Variants in NALF1 observed in about 807,000 individuals in gnomAD.
NALF1 encodes the protein NALCN channel auxiliary factor 1.
NALF1 carries 3 observed loss-of-function variants against 48.4 expected under a neutral mutation model. The ratio of observed to expected loss-of-function variants is 0.06; its 90% CI spans 0.03 to 0.16. The LOEUF (loss-of-function observed/expected upper bound fraction) is 0.16, where lower values mean the gene tolerates loss of function less well. Ranked by LOEUF, NALF1 falls within the 10% of genes least tolerant of loss-of-function variation. The pLI, the probability that NALF1 is intolerant of heterozygous loss-of-function variation, is 1.00. For synonymous variants in NALF1, 262 were observed against 245.7 expected (o/e 1.07, Z -0.62); for missense variants, 526 against 571.5 (o/e 0.92, Z 0.81).
chr13:107,819,520 T>C (rs1879290994), intron 1 of NALF1, among the ~76,000 whole-genome samples: 1 of 152,194 alleles, frequency 6.6e-6, no homozygotes, highest in South Asian at 2.1e-4. Context: ...CAAATGAATC[T>C]TCCACAAGTA....
chr13:107,344,996 C>A (rs1882747551), intron 1 of NALF1, among the ~76,000 whole-genome samples: 1 of 151,884 alleles, frequency 6.6e-6, no homozygotes, highest in African/African-American at 2.4e-5. Context: ...TGAAGAATAC[C>A]AAATGAACTC....
At chr13:107,401,666 C>T (rs1362313061) in intron 1 of NALF1, among the ~76,000 whole-genome samples, 1 of 150,014 alleles carries the variant, frequency 6.7e-6, no homozygotes, top group Non-Finnish European at 1.5e-5. Flanking sequence ...AAATTATTCT[C>T]ACCCAACAGA....
chr13:107,270,104 T>C (rs1178830319), intron 1 of NALF1, among the ~76,000 whole-genome samples: 11 of 151,974 alleles, frequency 7.2e-5, no homozygotes, highest in African/African-American at 2.4e-4. Context: ...CTTTCAATTG[T>C]GAATGATGCA....
chr13:107,415,002 T>C (rs1213696981), intron 1 of NALF1, among the ~76,000 whole-genome samples: 1 of 152,186 alleles, frequency 6.6e-6, no homozygotes, highest in Admixed American at 6.5e-5. Flanking sequence ...AAAATTGCCA[T>C]TGCCTGATAA....
chr13:107,647,790 C>A (rs554341201), intron 1 of NALF1, among the ~76,000 whole-genome samples: 3 of 152,054 alleles, frequency 2.0e-5, no homozygotes, highest in Admixed American at 1.3e-4. Flanking sequence ...ATAATGCAAA[C>A]AACTGAGTTA....
intron 1 of NALF1, among the ~76,000 whole-genome samples, chr13:107,862,778 A>T (rs1880609597): frequency 6.6e-6 from 1 of 151,906 alleles, no homozygotes; most frequent in Admixed American, 6.6e-5. Context: ...CCTTTTAAAC[A>T]ATTTAAATCA....
chr13:107,675,879 G>A lies in NALF1; in HGVS notation c.915+189803C>T, dbSNP rs568593316. On this transcript the variant is annotated intron_variant, in intron 1 of 2. Transcript: ENST00000375915. ...ATGCATTTTCCATACCTTCTTCTTG[G>A]CTCCAATTGAAGGTATGGAGGAAGG... Among the ~76,000 whole-genome samples the A allele has an allele frequency of 2.0e-5, 3 of 152,172 alleles. No individual in the cohort carries two copies. In the East Asian group the frequency reaches 5.8e-4, roughly 29 times the overall value.
intron 1 of NALF1, among the ~76,000 whole-genome samples, chr13:107,472,327 T>A (rs2003845): frequency 0.028 from 4,254 of 152,248 alleles, 201 homozygotes; most frequent in African/African-American, 0.097. Flanking sequence ...AGACTCCCTC[T>A]CAAAACAAAC....
At chr13:107,847,291 T>C (rs1880197140) in intron 1 of NALF1, among the ~76,000 whole-genome samples, 1 of 152,194 alleles carries the variant, frequency 6.6e-6, no homozygotes, top group Non-Finnish European at 1.5e-5. Flanking sequence ...TAAACATGTA[T>C]TTTTCCTTAG....
At chr13:107,863,252 T>C (rs967985434) in intron 1 of NALF1, among the ~76,000 whole-genome samples, 2 of 152,074 alleles carry the variant, frequency 1.3e-5, no homozygotes, top group African/African-American at 4.8e-5. Flanking sequence ...CAGGCATATC[T>C]TTCAAAGACA....
intron 1 of NALF1, among the ~76,000 whole-genome samples, chr13:107,550,052 C>T (rs1877249761): frequency 6.6e-6 from 1 of 151,954 alleles, no homozygotes; most frequent in African/African-American, 2.4e-5. Flanking sequence ...AAATGATGAC[C>T]CATAATCGCT....
chr13:107,572,806 A>G (rs1348766866), intron 1 of NALF1, among the ~76,000 whole-genome samples: 1 of 152,156 alleles, frequency 6.6e-6, no homozygotes, highest in Non-Finnish European at 1.5e-5. Flanking sequence ...TTTTATGTTA[A>G]TTTATCTCTT....
chr13:107,687,136 T>A, intron 1 of NALF1, among the ~76,000 whole-genome samples: 1 of 152,214 alleles, frequency 6.6e-6, no homozygotes, highest in East Asian at 1.9e-4. Context: ...AATGAAATTA[T>A]GTCCTTTGCA....
chr13:107,401,773 G>A (rs1883812424), intron 1 of NALF1, among the ~76,000 whole-genome samples: 1 of 152,040 alleles, frequency 6.6e-6, no homozygotes, highest in Non-Finnish European at 1.5e-5. Context: ...TTGCACATAT[G>A]TGATTGCATA....
At chr13:107,751,276 G>A (rs1428342941) in intron 1 of NALF1, among the ~76,000 whole-genome samples, 1 of 152,124 alleles carries the variant, frequency 6.6e-6, no homozygotes, top group Non-Finnish European at 1.5e-5. Flanking sequence ...CCACGGTAGA[G>A]GTAAACAGAA....
Position 107,418,865 on chromosome 13 carries a change from A to T in NALF1, c.916-208110T>A, listed in dbSNP as rs117884957. 4.3e-3 allele frequency among the ~76,000 whole-genome samples: 648 copies of T among 152,328 alleles called. 8 individuals are homozygous for T. Among genetic ancestry groups the T allele is most frequent in the Non-Finnish European group, 6.0e-3 (406 of 68,028 alleles). On this transcript the variant is annotated intron_variant, in intron 1 of 2. Transcript: ENST00000375915. Reference sequence around the variant, plus strand: ...CTTACACGTACTCAAAATCTAAAATAAGTAATCTCACTTAAGAATTCTTAA... The same window carrying T: ...CTTACACGTACTCAAAATCTAAAATTAGTAATCTCACTTAAGAATTCTTAA...
At chr13:107,679,673 T>A (rs982695359) in intron 1 of NALF1, among the ~76,000 whole-genome samples, 3 of 151,926 alleles carry the variant, frequency 2.0e-5, no homozygotes, top group Non-Finnish European at 4.4e-5. Flanking sequence ...ATCCAGGAGG[T>A]CCTCAGCTCC....
chr13:107,382,937 T>C (rs1241228200), intron 1 of NALF1, among the ~76,000 whole-genome samples: 4 of 152,176 alleles, frequency 2.6e-5, no homozygotes, highest in African/African-American at 7.2e-5. Flanking sequence ...GCATGAAGAA[T>C]TGATTGCAAG....
At chr13:107,183,355 G>A (rs1879106310) in intron 2 of NALF1, among the ~76,000 whole-genome samples, 1 of 152,206 alleles carries the variant, frequency 6.6e-6, no homozygotes, top group Admixed American at 6.5e-5. Context: ...AGATGCTAGA[G>A]AGGATGTGGG....
Sources: allele counts gnomAD v4.1 joint callset (sites outside exome capture counted in the v4.1 genomes callset), GRCh38; gene constraint gnomAD v4.1.1; transcripts MANE v1.5; gene names NCBI Gene and HGNC (gene_info 2026-07-23, HGNC 2026-07-21).